The following EFL1 variants were observed in gnomAD, a reference collection of about 807,000 sequenced individuals.
EFL1 encodes elongation factor like GTPase 1, also known as elongation factor-like GTPase 1.
EFL1 carries 76 observed loss-of-function variants against 126.7 expected under a neutral mutation model. The ratio of observed to expected loss-of-function variants is 0.60; its 90% confidence interval spans 0.50 to 0.73. The LOEUF is 0.73. Among genes scored for constraint, EFL1 ranks in the 30% least tolerant of loss-of-function variants. The pLI, the probability that EFL1 is intolerant of heterozygous loss-of-function variation, is 0.00. For synonymous variants in EFL1, 410 were observed against 448.4 expected, an observed-to-expected ratio of 0.91 and a Z score of 1.08; for missense variants, 1,128 against 1,343.2, an observed-to-expected ratio of 0.84 and a Z score of 2.50.
intron 14 of EFL1, among the ~76,000 whole-genome samples, chr15:82,216,432 A>G (rs1012968306): frequency 9.8e-5 from 15 of 152,300 alleles, no homozygotes; most frequent in African/African-American, 3.1e-4. Flanking sequence ...TAACAAAGAA[A>G]AACACGGTAA....
intron 15 of EFL1, among the ~76,000 whole-genome samples, chr15:82,175,576 T>C (rs2074186250): frequency 6.6e-6 from 1 of 152,226 alleles, no homozygotes; most frequent in Non-Finnish European, 1.5e-5. Flanking sequence ...TTTAATTTTA[T>C]GTTATAAAAA....
At chr15:82,159,041 CA>C (rs1374363169) in intron 16 of EFL1, among the ~76,000 whole-genome samples, 1 of 152,168 alleles carries the variant, frequency 6.6e-6, no homozygotes, top group Non-Finnish European at 1.5e-5. Flanking sequence ...GTCAGGTGAT[CA>C]AAAGCCACAT....
intron 15 of EFL1, among the ~76,000 whole-genome samples, chr15:82,174,712 A>C (rs1183122122): frequency 3.3e-5 from 5 of 152,168 alleles, no homozygotes; most frequent in Non-Finnish European, 5.9e-5. Context: ...CAGTTTAAGA[A>C]GGCTGTGTTG....
chr15:82,200,855 T>C (rs1332928654), intron 15 of EFL1, among the ~76,000 whole-genome samples: 1 of 152,140 alleles, frequency 6.6e-6, no homozygotes, highest in Non-Finnish European at 1.5e-5. Context: ...TAAAGAAATA[T>C]TTCTATACTT....
At chr15:82,258,480 G>A (rs2075085312) in intron 3 of EFL1, among the ~76,000 whole-genome samples, 1 of 152,168 alleles carries the variant, frequency 6.6e-6, no homozygotes, top group Admixed American at 6.5e-5. Flanking sequence ...GAGCCCAACA[G>A]GGCGAGGTTG....
At chr15:82,259,788 G>A (rs540954611) in intron 2 of EFL1, among the ~76,000 whole-genome samples, 1 of 152,134 alleles carries the variant, frequency 6.6e-6, no homozygotes, top group Non-Finnish European at 1.5e-5. Context: ...AAGCAAAGGA[G>A]GGTTTTTTTC....
chr15:82,205,437 C>A (rs1362078192), intron 15 of EFL1, among the ~76,000 whole-genome samples: 2 of 152,046 alleles, frequency 1.3e-5, no homozygotes, highest in African/African-American at 4.8e-5. Flanking sequence ...GACTATAAAC[C>A]TTGTATTATT....
In EFL1 at chr15:82,252,751, C is replaced by T; in HGVS notation, c.184G>A (p.Asp62Asn). 6.2e-7 allele frequency: 1 copy of T among 1,608,992 alleles called. No individual in the cohort carries two copies. The highest frequency in any genetic ancestry group is 8.5e-7 in the Non-Finnish European group (1 of 1,175,462). ...GKLRYMDSRE[D>N]EQIRGITMKS... is the part of the protein sequence containing the mutation. ...ATAGTGATCCCTCGGATCTGTTCATCTTCTCTGCTGTCCATGTACCTTAAC... is the reference window on the plus strand; with the variant it reads ...ATAGTGATCCCTCGGATCTGTTCATTTTCTCTGCTGTCCATGTACCTTAAC... Residue 62 changes from aspartate to asparagine, a missense_variant, in exon 4 of 20, where the codon GAT becomes AAT. Asp to Asn is a conservative substitution (Grantham distance 23). Transcript: ENST00000268206.
chr15:82,228,034 G>A (rs927847131), intron 10 of EFL1, among the ~76,000 whole-genome samples, 157 bp downstream of exon 10: 25 of 152,174 alleles, frequency 1.6e-4, no homozygotes, highest in African/African-American at 4.6e-4. Flanking sequence ...AATTATCAAA[G>A]TATTTAATAC....
Position 82,186,432 on chromosome 15 carries a change from C to T in EFL1, c.1751-22448G>A, listed in dbSNP as rs142716562. On this transcript the variant is annotated intron_variant, in intron 15 of 19. Transcript: ENST00000268206. ...AAGCACATCTCTTAACCATAGAAAA[C>T]GGCAAAAGAATGGATGCTCTGGCAG... Among the ~76,000 whole-genome samples, 1,066 of 152,236 alleles carry T rather than the reference C, an allele frequency of 7.0e-3. 13 individuals are homozygous for T. The highest frequency in any genetic ancestry group is 0.024 in the African/African-American group (1,013 of 41,544).
In EFL1 at chr15:82,138,732, A is replaced by G; in HGVS notation, c.3100T>C (p.Phe1034Leu). Residue 1034 changes from phenylalanine to leucine, a missense_variant, in exon 19 of 20, where the codon TTT becomes CTT. This residue lies in a region of EFL1 where 561 missense variants were observed against 641.7 expected (regional missense o/e 0.87). Transcript: ENST00000268206. ...IKAVLPVAESFGFADEIRKRT... is the reference protein window; with the variant it reads ...IKAVLPVAESLGFADEIRKRT... ...TTCCTGATTTCATCAGCAAAACCAA[A>G]GCTTTCAGCAACAGGCAGCACAGCC... 6.2e-7 allele frequency: 1 copy of G among 1,614,044 alleles called. No individual in the cohort carries two copies. Among genetic ancestry groups the G allele is most frequent in the East Asian group, 2.2e-5 (1 of 44,882 alleles).
intron 7 of EFL1, among the ~76,000 whole-genome samples, chr15:82,236,909 C>T (rs1475500837): frequency 2.0e-5 from 3 of 152,126 alleles, no homozygotes; most frequent in Admixed American, 2.0e-4. Flanking sequence ...TGTGGGAGGC[C>T]GAGGCGGATC....
At chr15:82,255,659 A>G (rs1488741664) in intron 3 of EFL1, among the ~76,000 whole-genome samples, 2 of 152,194 alleles carry the variant, frequency 1.3e-5, no homozygotes, top group South Asian at 2.1e-4. Context: ...TAACTGTGCA[A>G]TTTGTGTGTG....
At chr15:82,189,288 T>C (rs1366113198) in intron 15 of EFL1, among the ~76,000 whole-genome samples, 2 of 152,174 alleles carry the variant, frequency 1.3e-5, no homozygotes, top group Non-Finnish European at 2.9e-5. Context: ...TGTTATGCAA[T>C]GCATGACTGT....
Position 82,229,032 on chromosome 15 carries a change from A to C in EFL1, c.932+2T>G. ...CCTAAAGGTAAACAATAAGAGTCTT[A>C]CTTTTTCAAAACAGCATCATACAAA... is the stretch of plus-strand genomic sequence containing the variant. On this transcript the variant is annotated splice_donor_variant, in intron 9 of 19. Transcript: ENST00000268206. LOFTEE classifies it high-confidence loss of function. 9.9e-6 allele frequency: 16 copies of C among 1,608,216 alleles called. No individual in the cohort carries two copies. The highest frequency in any genetic ancestry group is 1.4e-5 in the Non-Finnish European group (16 of 1,177,690).
intron 12 of EFL1, 132 bp downstream of exon 12, chr15:82,225,033 G>C (rs2074747409): frequency 1.8e-6 from 1 of 566,650 alleles, no homozygotes; most frequent in Admixed American, 3.6e-5. Flanking sequence ...GTTACCCTGG[G>C]GGTTGGCTTG....
intron 15 of EFL1, among the ~76,000 whole-genome samples, chr15:82,211,559 C>CACACACACAT (rs2074587423): frequency 7.5e-6 from 1 of 133,124 alleles, no homozygotes; most frequent in Non-Finnish European, 1.6e-5. Flanking sequence ...TACACACACA[C>CACACACACAT]ACACACACAC....
At chr15:82,235,844 C>T (rs1403710826) in intron 7 of EFL1, among the ~76,000 whole-genome samples, 1 of 151,954 alleles carries the variant, frequency 6.6e-6, no homozygotes, top group Non-Finnish European at 1.5e-5. Context: ...AAATTCTAGC[C>T]AGTGCAATCA....
chr15:82,250,150 C>A (rs992116720), intron 4 of EFL1, among the ~76,000 whole-genome samples: 1 of 145,234 alleles, frequency 6.9e-6, no homozygotes, highest in Non-Finnish European at 1.5e-5. Context: ...ACCTTCAGAA[C>A]AGGAAATACC....
Sources: allele counts gnomAD v4.1 joint callset (sites outside exome capture counted in the v4.1 genomes callset), GRCh38; gene constraint gnomAD v4.1.1; regional missense constraint gnomAD v4.1.1; transcripts MANE v1.5; gene names NCBI Gene and HGNC (gene_info 2026-07-23, HGNC 2026-07-21).